The following HSPG2 variants were observed in gnomAD, a reference collection of about 807,000 sequenced individuals.
The protein encoded by HSPG2 is basement membrane-specific heparan sulfate proteoglycan core protein.
Under a neutral mutation model 526.6 loss-of-function variants are expected in HSPG2, and 278 were observed. The ratio of observed to expected loss-of-function variants is 0.53; its 90% CI spans 0.48 to 0.58. The LOEUF (loss-of-function observed/expected upper bound fraction) is 0.58. HSPG2 is among the 20% of genes least tolerant of loss of function. The pLI, the probability that HSPG2 is intolerant of heterozygous loss-of-function variation, is 0.00. For synonymous variants in HSPG2, 2,465 were observed against 2,555.4 expected (o/e 0.96, Z 1.07); for missense variants, 5,354 against 6,099.5 (o/e 0.88, Z 4.07).
rs758823950 is a variant in HSPG2 at position 21,829,641 on chromosome 1, C to T, written c.11771-37G>A. The T allele has an allele frequency of 4.5e-6, 7 of 1,557,764 alleles. No homozygotes were observed. In the Admixed American group the frequency reaches 1.2e-4, roughly 27 times the overall value. On this transcript the variant is annotated intron_variant, in intron 86 of 96. Transcript: ENST00000374695. ...ACAGCTCAGCTGAGGCAGTGGGGATCCTGGACCCTCGGGTGGGGTCCAGCT... is the reference window on the plus strand; with the variant it reads ...ACAGCTCAGCTGAGGCAGTGGGGATTCTGGACCCTCGGGTGGGGTCCAGCT...
At chr1:21,863,139 A>G (rs1232101215) in intron 37 of HSPG2, among the ~76,000 whole-genome samples, 5 of 149,798 alleles carry the variant, frequency 3.3e-5, no homozygotes, top group Admixed American at 6.7e-5. Flanking sequence ...TTGGGAGGCC[A>G]AGGCGGGTGG....
At chr1:21,870,751 T>A in intron 33 of HSPG2, 1 of 810,640 alleles carries the variant, frequency 1.2e-6, no homozygotes, top group Non-Finnish European at 1.5e-6. Context: ...GCACTGCGCA[T>A]CTCCCCACGC....
chr1:21,900,315 G>C (rs548963282), intron 1 of HSPG2, among the ~76,000 whole-genome samples: 18 of 152,330 alleles, frequency 1.2e-4, no homozygotes, highest in African/African-American at 3.4e-4. Context: ...AACAGGCTGA[G>C]AACAATTGCT....
chr1:21,846,341 CAG>C (rs1638434079), intron 63 of HSPG2, 86 bp from the exon 64 acceptor site: 17 of 1,608,846 alleles, frequency 1.1e-5, no homozygotes, highest in East Asian at 2.2e-5. Context: ...ACCTCTGACA[CAG>C]GGGGGTACTG....
At chr1:21,928,992 T>G (rs1173546964) in intron 1 of HSPG2, among the ~76,000 whole-genome samples, 1 of 150,832 alleles carries the variant, frequency 6.6e-6, no homozygotes, top group African/African-American at 2.5e-5. Flanking sequence ...ACTCCCAACC[T>G]CAGGTGATCC....
rs2097956311 is a variant in HSPG2 at position 21,823,174 on chromosome 1, T to G, written c.*142A>C. 5 of 829,836 alleles carry G rather than the reference T, an allele frequency of 6.0e-6. No individual in the cohort carries two copies. Among genetic ancestry groups the G allele is most frequent in the Non-Finnish European group, 8.7e-6 (5 of 572,998 alleles). The allele number at this position is 829,836 out of a possible 1,614,324, so 51.4% of individuals were successfully genotyped here. On this transcript the variant is annotated 3_prime_UTR_variant, in exon 97 of 97. Transcript: ENST00000374695. ...TGTGTGTGAGGGTGGCATGCCCACCTCCAGTCCAGCCCAGGGCGGTAGCAG... is the reference window on the plus strand; with the variant it reads ...TGTGTGTGAGGGTGGCATGCCCACCGCCAGTCCAGCCCAGGGCGGTAGCAG...
At chr1:21,916,393 T>C (rs1255430737) in intron 1 of HSPG2, among the ~76,000 whole-genome samples, 1 of 152,028 alleles carries the variant, frequency 6.6e-6, no homozygotes, top group Non-Finnish European at 1.5e-5. Context: ...TAGTGCCAGA[T>C]ACTCGGGAGG....
chr1:21,906,736 G>T (rs1004074853), intron 1 of HSPG2, among the ~76,000 whole-genome samples: 2 of 150,042 alleles, frequency 1.3e-5, no homozygotes. Context: ...GGGGGTGGGG[G>T]GGGGTCACGT....
At chr1:21,928,910 T>C (rs1644277026) in intron 1 of HSPG2, among the ~76,000 whole-genome samples, 1 of 151,880 alleles carries the variant, frequency 6.6e-6, no homozygotes, top group East Asian at 1.9e-4. Flanking sequence ...GCCACCATGC[T>C]TAGCTGATTT....
Position 21,864,160 on chromosome 1 carries a change from G to T in HSPG2, c.4680C>A (p.Cys1560Ter). The T allele has an allele frequency of 6.4e-7, 1 of 1,556,374 alleles. No individual in the cohort carries two copies. Among genetic ancestry groups the T allele is most frequent in the Non-Finnish European group, 8.7e-7 (1 of 1,149,852 alleles). The change falls in exon 37 of 97, where the codon TGC (cysteine) becomes TGA (stop). Residue 1560 changes from cysteine to a stop codon, truncating the protein, a stop_gained. Transcript: ENST00000374695. LOFTEE classifies it high-confidence loss of function. The surrounding 1 kb of genome is among the most constrained non-coding windows in gnomAD (Gnocchi z 4.8). ...RTGSGLYLGH[C>*]ELCECNGHSD... is the part of the protein sequence containing the mutation. ...AGTGGCCATTGCATTCACATAGCTC[G>T]CAGTGGCCGAGGTAGAGCCCACTCC... is the stretch of plus-strand genomic sequence containing the variant.
intron 1 of HSPG2, among the ~76,000 whole-genome samples, chr1:21,912,759 T>A (rs1643743092): frequency 6.6e-6 from 1 of 152,208 alleles, no homozygotes; most frequent in South Asian, 2.1e-4. Context: ...GCAGGCGGAT[T>A]ACTTAAGATC....
intron 33 of HSPG2, among the ~76,000 whole-genome samples, chr1:21,866,162 A>C (rs1187366404): frequency 6.6e-6 from 1 of 152,166 alleles, no homozygotes; most frequent in Non-Finnish European, 1.5e-5. Context: ...CACCATGGGG[A>C]GGCTGCGGAA....
Position 21,887,809 on chromosome 1 carries a change from C to T in HSPG2, c.703+129G>A. Reference sequence around the variant, plus strand: ...CACCCCCTGCCTGGCTCTGTCATCACCCTTCCTATGCCCCCATCCTCTGCC... The same window carrying T: ...CACCCCCTGCCTGGCTCTGTCATCATCCTTCCTATGCCCCCATCCTCTGCC... On this transcript the variant is annotated intron_variant, in intron 7 of 96. Coordinates refer to ENST00000374695, the MANE Select transcript of HSPG2 (RefSeq NM_005529.7). The surrounding 1 kb of genome is among the most constrained non-coding windows in gnomAD (Gnocchi z 5.0). 5 of 1,567,712 alleles carry T rather than the reference C, an allele frequency of 3.2e-6. No individual in the cohort carries two copies. The highest frequency in any genetic ancestry group is 4.4e-6 in the Non-Finnish European group (5 of 1,141,154).
chr1:21,841,041 C>A (rs1294923375), intron 71 of HSPG2, 60 bp downstream of exon 71: 2 of 1,511,682 alleles, frequency 1.3e-6, no homozygotes, highest in South Asian at 2.4e-5. Flanking sequence ...CCTCCAAGCA[C>A]CCGCTCAAGG....
intron 39 of HSPG2, among the ~76,000 whole-genome samples, chr1:21,861,395 C>T (rs571062379): frequency 1.4e-4 from 22 of 152,032 alleles, no homozygotes; most frequent in East Asian, 3.9e-4. Flanking sequence ...TGGTGGCTCA[C>T]GCCTGTAATG....
chr1:21,879,097 G>C lies in HSPG2; in HGVS notation c.2368C>G (p.Pro790Ala). The C allele has an allele frequency of 6.2e-7, 1 of 1,614,254 alleles. No individual in the cohort carries two copies. Among genetic ancestry groups the C allele is most frequent in the Non-Finnish European group, 8.5e-7 (1 of 1,180,046 alleles). ...CCAGCCTTGCACTTGTTGCACTGTG[G>C]CCCCTCCGTGTTGTGCTGGCAATTC... ...CLNCQHNTEG[P>A]QCNKCKAGFF... Residue 790 changes from proline to alanine, a missense_variant, in exon 18 of 97, where the codon CCA becomes GCA. Coordinates refer to ENST00000374695, the MANE Select transcript of HSPG2 (RefSeq NM_005529.7).
intron 1 of HSPG2, among the ~76,000 whole-genome samples, chr1:21,927,160 C>T (rs1168995929): frequency 6.6e-6 from 1 of 152,190 alleles, no homozygotes; most frequent in Non-Finnish European, 1.5e-5. Context: ...AAGTCCTCCC[C>T]AGGCTCAGGC....
chr1:21,912,589 G>C (rs1487668734), intron 1 of HSPG2, among the ~76,000 whole-genome samples: 1 of 152,126 alleles, frequency 6.6e-6, no homozygotes, highest in East Asian at 1.9e-4. Flanking sequence ...AGACTTGGAG[G>C]GCCTGGGTTC....
rs1422871319 is a variant in HSPG2 at position 21,893,167 on chromosome 1, G to C, written c.245-2473C>G. On this transcript the variant is annotated intron_variant, in intron 3 of 96. Coordinates refer to ENST00000374695, the MANE Select transcript of HSPG2 (RefSeq NM_005529.7). The surrounding 1 kb of genome is among the most constrained non-coding windows in gnomAD (Gnocchi z 4.3). ...ACAGAACTCTCTGCAACACACCCAG[G>C]CCCCCGAACTCCAGCCCTGGGTCCC... is the stretch of plus-strand genomic sequence containing the variant. 6.6e-6 allele frequency among the ~76,000 whole-genome samples: 1 copy of C among 152,188 alleles called. No homozygotes were observed. Among genetic ancestry groups the C allele is most frequent in the African/African-American group, 2.4e-5 (1 of 41,450 alleles).
Sources: allele counts gnomAD v4.1 joint callset (sites outside exome capture counted in the v4.1 genomes callset), GRCh38; gene constraint gnomAD v4.1.1; non-coding constraint Gnocchi (gnomAD v3.1); transcripts MANE v1.5; gene names NCBI Gene and HGNC (gene_info 2026-07-23, HGNC 2026-07-21).